The following SATB2 variants were observed in gnomAD, a reference collection of about 807,000 sequenced individuals.
The protein encoded by SATB2 is SATB homeobox 2.
In SATB2, 1 loss-of-function variant was observed where a neutral mutation model predicts 73.4. The observed-to-expected ratio is 0.01, with a 90% confidence interval of 0.00 to 0.06. The LOEUF is 0.06. Among genes scored for constraint, SATB2 ranks in the 10% least tolerant of loss-of-function variants. SATB2 has a pLI of 1.00. For missense variants in SATB2, 459 were observed against 945.8 expected (o/e 0.49, Z 6.75); for synonymous variants, 397 against 367.0 (o/e 1.08, Z -0.93).
chr2:199,445,621 T>C (rs1306074494), intron 2 of SATB2, among the ~76,000 whole-genome samples: 3 of 152,202 alleles, frequency 2.0e-5, no homozygotes, highest in African/African-American at 7.2e-5. Flanking sequence ...TTTTGCTGCA[T>C]ATTACCTAGA....
At chr2:199,437,395 T>C (rs1377445801) in intron 2 of SATB2, among the ~76,000 whole-genome samples, 1 of 152,228 alleles carries the variant, frequency 6.6e-6, no homozygotes, top group East Asian at 1.9e-4. Flanking sequence ...CCAACTGTCA[T>C]TAGTGATGAT....
intron 6 of SATB2, among the ~76,000 whole-genome samples, chr2:199,362,700 T>C (rs537223961): frequency 3.9e-5 from 6 of 152,294 alleles, no homozygotes; most frequent in Admixed American, 3.3e-4. Context: ...CCAGGTATTA[T>C]ATATAAAATA....
intron 6 of SATB2, among the ~76,000 whole-genome samples, chr2:199,365,335 A>G (rs999119758): frequency 6.6e-6 from 1 of 151,802 alleles, no homozygotes; most frequent in African/African-American, 2.4e-5. Context: ...CCAACCTACC[A>G]CCCTACCCTA....
At chr2:199,325,785 T>C (rs1056590774) in intron 8 of SATB2, among the ~76,000 whole-genome samples, 49 of 152,246 alleles carry the variant, frequency 3.2e-4, no homozygotes, top group African/African-American at 1.2e-3. Flanking sequence ...ATCTGTAAAA[T>C]GGGCATAATA....
chr2:199,320,877 A>G (rs1687865073), intron 9 of SATB2, among the ~76,000 whole-genome samples: 1 of 152,080 alleles, frequency 6.6e-6, no homozygotes, highest in South Asian at 2.1e-4. Context: ...AACACCAAGG[A>G]GTGTTAATGG....
intron 9 of SATB2, among the ~76,000 whole-genome samples, chr2:199,315,254 G>T (rs1687698413): frequency 7.9e-5 from 12 of 151,940 alleles, no homozygotes; most frequent in Admixed American, 7.9e-4. Context: ...GAAAATGAAT[G>T]AGGTATGGCA....
chr2:199,363,457 A>C (rs1253974587), intron 6 of SATB2, among the ~76,000 whole-genome samples: 2 of 152,322 alleles, frequency 1.3e-5, no homozygotes, highest in East Asian at 3.9e-4. Context: ...AATTCATAGA[A>C]GTAGAGAGTA....
At chr2:199,358,736 C>T (rs552507951) in intron 6 of SATB2, among the ~76,000 whole-genome samples, 1 of 152,186 alleles carries the variant, frequency 6.6e-6, no homozygotes, top group Admixed American at 6.5e-5. Flanking sequence ...TCATATTAAC[C>T]TCCACAGAAA....
chr2:199,358,225 A>G lies in SATB2; in HGVS notation c.701-9052T>C, dbSNP rs1431389385. On this transcript the variant is annotated intron_variant, in intron 6 of 10. Transcript: ENST00000417098. ...CCGTCTGCCAACACTGAATATGCCT[A>G]GTCACTGAAAATACTTCTGGTTTAT... 2.6e-5 allele frequency among the ~76,000 whole-genome samples: 4 copies of G among 152,258 alleles called. No individual in the cohort carries two copies. In the East Asian group the frequency reaches 7.7e-4, roughly 29 times the overall value.
chr2:199,309,055 T>C, intron 9 of SATB2, 98 bp from the exon 10 acceptor site: 1 of 1,022,366 alleles, frequency 9.8e-7, no homozygotes, highest in Non-Finnish European at 1.5e-6. Context: ...CATCTTTTTC[T>C]GTCAAAATTG....
intron 3 of SATB2, among the ~76,000 whole-genome samples, chr2:199,401,276 G>A (rs1172021823): frequency 1.3e-5 from 2 of 152,024 alleles, no homozygotes. Flanking sequence ...GGCTGGGAAC[G>A]GTGGCTCACA....
chr2:199,313,040 T>G (rs144758983), intron 9 of SATB2, among the ~76,000 whole-genome samples: 173 of 152,212 alleles, frequency 1.1e-3, no homozygotes, highest in African/African-American at 3.9e-3. Flanking sequence ...AAATAGACAT[T>G]AGTAGAAAAA....
intron 5 of SATB2, among the ~76,000 whole-genome samples, chr2:199,371,981 T>C (rs1418649306): frequency 6.6e-6 from 1 of 152,132 alleles, no homozygotes; most frequent in Non-Finnish European, 1.5e-5. Context: ...ACACGTATAA[T>C]GGGCAACTGC....
chr2:199,446,438 T>C (rs947981907), intron 2 of SATB2, among the ~76,000 whole-genome samples: 1 of 152,168 alleles, frequency 6.6e-6, no homozygotes, highest in Non-Finnish European at 1.5e-5. Flanking sequence ...GACTATTTAA[T>C]TGCTGTTTAC....
intron 10 of SATB2, among the ~76,000 whole-genome samples, chr2:199,305,119 G>C (rs1181621631): frequency 6.6e-6 from 1 of 152,196 alleles, no homozygotes; most frequent in Non-Finnish European, 1.5e-5. Flanking sequence ...AGGTGGTCAG[G>C]TGACCTGACA....
chr2:199,422,765 G>T (rs920741334), intron 3 of SATB2, among the ~76,000 whole-genome samples: 1 of 152,104 alleles, frequency 6.6e-6, no homozygotes, highest in Non-Finnish European at 1.5e-5. Context: ...TTATGAGCTT[G>T]AATGAGTTAG....
chr2:199,392,540 C>T (rs1433009553), intron 3 of SATB2, among the ~76,000 whole-genome samples: 1 of 152,134 alleles, frequency 6.6e-6, no homozygotes, highest in Non-Finnish European at 1.5e-5. Context: ...ACTCTGGCTA[C>T]AGCCCCATAA....
chr2:199,464,374 A>G lies in SATB2; in HGVS notation c.-141+462T>C, dbSNP rs1692549081. On this transcript the variant is annotated intron_variant, in intron 1 of 11. Coordinates refer to the SATB2 transcript ENST00000260926. This position sits in a 1 kb window ranked among gnomAD's most constrained non-coding sequence, Gnocchi z 6.6. ...GACTTCACTGGGCGGGTTGGGGTTT[A>G]TTTTCAATAAATTCAGCTGTTCACA... 6.6e-6 allele frequency among the ~76,000 whole-genome samples: 1 copy of G among 151,660 alleles called. No homozygotes were observed.
chr2:199,329,210 C>T (rs1688119310), intron 7 of SATB2: 1 of 414,870 alleles, frequency 2.4e-6, no homozygotes. Context: ...CTGCAATTAC[C>T]ACCAGGTGCC....
Sources: allele counts gnomAD v4.1 joint callset (sites outside exome capture counted in the v4.1 genomes callset), GRCh38; gene constraint gnomAD v4.1.1; non-coding constraint Gnocchi (gnomAD v3.1); transcripts MANE v1.5; gene names NCBI Gene and HGNC (gene_info 2026-07-23, HGNC 2026-07-21).